The following SLC30A8 variants were observed in gnomAD, a reference collection of about 807,000 sequenced individuals.
SLC30A8 encodes proton-coupled zinc antiporter SLC30A8.
In SLC30A8, 27 loss-of-function variants were observed where a neutral mutation model predicts 36.9. The observed-to-expected ratio is 0.73, with a 90% CI of 0.54 to 1.01. The LOEUF (loss-of-function observed/expected upper bound fraction) is 1.01. Among genes scored for constraint, SLC30A8 ranks in the 50% least tolerant of loss-of-function variants. The pLI is 0.00. For missense variants in SLC30A8, 439 were observed against 452.0 expected (o/e 0.97, Z 0.26); for synonymous variants, 164 against 172.4 (o/e 0.95, Z 0.38).
intron 2 of SLC30A8, among the ~76,000 whole-genome samples, chr8:117,077,079 C>A (rs1037078822): frequency 2.6e-5 from 4 of 152,162 alleles, no homozygotes; most frequent in Non-Finnish European, 5.9e-5. Context: ...GCAAATGTAG[C>A]TCTTGATAGA....
At chr8:117,144,258 A>T (rs1821796954) in intron 1 of SLC30A8, among the ~76,000 whole-genome samples, 1 of 152,166 alleles carries the variant, frequency 6.6e-6, no homozygotes, top group South Asian at 2.1e-4. Context: ...TAAGATATAA[A>T]TACTTTATTT....
intron 1 of SLC30A8, among the ~76,000 whole-genome samples, chr8:116,973,123 T>C (rs1814847363): frequency 6.6e-6 from 1 of 152,198 alleles, no homozygotes; most frequent in African/African-American, 2.4e-5. Flanking sequence ...GAAGATGCCT[T>C]CTATGAGCCA....
intron 1 of SLC30A8, among the ~76,000 whole-genome samples, chr8:116,959,728 G>A (rs1159023316): frequency 6.6e-6 from 1 of 152,080 alleles, no homozygotes; most frequent in Non-Finnish European, 1.5e-5. Flanking sequence ...CTCTGTCCAA[G>A]GTCTTATGAA....
rs146181374 is a variant in SLC30A8, at chr8:117,099,700, A to G, written c.-225-35580A>G. On this transcript the variant is annotated intron_variant, in intron 2 of 10. Coordinates refer to the SLC30A8 transcript ENST00000427715. ...GGCTTTTACCTAGATAATTATGAAT[A>G]AGATTCCTGCTCACTAAACATCATC... Among the ~76,000 whole-genome samples, 508 of 152,340 alleles carry G rather than the reference A, an allele frequency of 3.3e-3. 5 individuals are homozygous for G. Among genetic ancestry groups the G allele is most frequent in the Non-Finnish European group, 1.6e-3 (108 of 68,028 alleles).
chr8:116,997,028 T>G (rs192778326), intron 1 of SLC30A8, among the ~76,000 whole-genome samples: 6 of 152,118 alleles, frequency 3.9e-5, no homozygotes, highest in African/African-American at 1.4e-4. Context: ...AACTTCACTC[T>G]TCAGAGTCCA....
In SLC30A8 at chr8:117,161,808, A is replaced by G. The variant is rs1035358113; in HGVS notation, c.643A>G (p.Arg215Gly). The change falls in exon 5 of 8, where the codon AGA becomes GGA. Residue 215 changes from arginine to glycine, a missense_variant. Physicochemically the swap from Arg to Gly is moderately radical, Grantham distance 125 (BLOSUM62 -2). Coordinates refer to ENST00000456015, the MANE Select transcript of SLC30A8 (RefSeq NM_173851.3). Reference protein sequence around the residue: ...HKEVQANASVRAAFVHALGDL... With the variant: ...HKEVQANASVGAAFVHALGDL... Reference sequence around the variant, plus strand: ...GGAAGTACAAGCCAATGCCAGCGTCAGAGCTGCTTTTGTGCATGCCCTTGG... The same window carrying G: ...GGAAGTACAAGCCAATGCCAGCGTCGGAGCTGCTTTTGTGCATGCCCTTGG... 1.9e-6 allele frequency: 3 copies of G among 1,613,926 alleles called. No individual in the cohort carries two copies. The highest frequency in any genetic ancestry group is 4.5e-5 in the East Asian group (2 of 44,876).
At chr8:116,993,992 C>T (rs2130669931) in intron 1 of SLC30A8, among the ~76,000 whole-genome samples, 1 of 151,330 alleles carries the variant, frequency 6.6e-6, no homozygotes, top group East Asian at 1.9e-4. Flanking sequence ...TCTATACTTA[C>T]TAGAGAAATG....
At chr8:117,167,504 T>TATATATATATATAC (rs1491223080) in intron 6 of SLC30A8, among the ~76,000 whole-genome samples, 2,448 of 141,880 alleles carry the variant, frequency 0.017, 83 homozygotes, top group Middle Eastern at 0.045. Context: ...CATACATACA[T>TATATATATATATAC]GTATATGTAT....
intron 1 of SLC30A8, among the ~76,000 whole-genome samples, chr8:116,977,329 A>G (rs919561448): frequency 3.5e-5 from 5 of 142,040 alleles, no homozygotes; most frequent in Non-Finnish European, 6.1e-5. Flanking sequence ...TTTTTTTTGT[A>G]TTTTTAGTAG....
At chr8:117,165,263 T>C (rs1158853598) in intron 6 of SLC30A8, among the ~76,000 whole-genome samples, 2 of 152,156 alleles carry the variant, frequency 1.3e-5, no homozygotes, top group African/African-American at 2.4e-5. Flanking sequence ...ATGAAATAAA[T>C]GGCATTATGT....
At chr8:116,955,946 G>T (rs1563721194) in intron 1 of SLC30A8, among the ~76,000 whole-genome samples, 1 of 151,930 alleles carries the variant, frequency 6.6e-6, no homozygotes. Flanking sequence ...AATTTGTTAT[G>T]GCATCCGTAG....
At chr8:116,982,698 T>C in intron 1 of SLC30A8, among the ~76,000 whole-genome samples, 1 of 152,150 alleles carries the variant, frequency 6.6e-6, no homozygotes, top group African/African-American at 2.4e-5. Context: ...CCAGATTACA[T>C]TGTTCCAGAA....
intron 1 of SLC30A8, among the ~76,000 whole-genome samples, chr8:116,960,892 G>T (rs1318301176): frequency 6.6e-6 from 1 of 152,054 alleles, no homozygotes; most frequent in African/African-American, 2.4e-5. Context: ...CCTAATGTTT[G>T]CATGCTATTG....
chr8:117,038,160 A>T (rs1817274192), intron 1 of SLC30A8, among the ~76,000 whole-genome samples: 1 of 152,172 alleles, frequency 6.6e-6, no homozygotes, highest in Non-Finnish European at 1.5e-5. Flanking sequence ...ACTAATATGG[A>T]TACTCGGTAA....
chr8:117,156,242 C>T (rs183287013), intron 3 of SLC30A8, among the ~76,000 whole-genome samples: 2 of 152,122 alleles, frequency 1.3e-5, no homozygotes, highest in East Asian at 1.9e-4. Context: ...GGGGTTTCAC[C>T]GTGTTGGCCA....
upstream of SLC30A8, among the ~76,000 whole-genome samples, chr8:117,132,853 C>T (rs953653032): frequency 6.6e-6 from 1 of 152,002 alleles, no homozygotes; most frequent in Non-Finnish European, 1.5e-5. Flanking sequence ...TTGATCATAA[C>T]ATCTGCATCT....
In SLC30A8 at chr8:117,157,762, G is replaced by A. The variant is rs1482242249; in HGVS notation, c.490G>A (p.Glu164Lys). The A allele has an allele frequency of 1.2e-6, 2 of 1,613,972 alleles. No individual in the cohort carries two copies. The highest frequency in any genetic ancestry group is 1.7e-6 in the Non-Finnish European group (2 of 1,180,000). The change falls in exon 4 of 8, where the codon GAG (glutamate) becomes AAG (lysine). Residue 164 changes from glutamate (E) to lysine (K), a missense_variant. Physicochemically the swap from Glu to Lys is moderately conservative, Grantham distance 56. Transcript: ENST00000456015. ...VTGVLVYLACERLLYPDYQIQ... is the reference protein window; with the variant it reads ...VTGVLVYLACKRLLYPDYQIQ... Reference sequence around the variant, plus strand: ...TGGCGTGCTAGTGTACCTGGCATGTGAGCGCCTGCTGTATCCTGATTACCA... The same window carrying A: ...TGGCGTGCTAGTGTACCTGGCATGTAAGCGCCTGCTGTATCCTGATTACCA...
intron 2 of SLC30A8, among the ~76,000 whole-genome samples, chr8:117,092,251 A>G (rs59475323): frequency 0.15 from 22,910 of 152,236 alleles, 1,824 homozygotes; most frequent in African/African-American, 0.2. Context: ...TCATATGAGC[A>G]AAATGTTCTT....
At chr8:116,984,303 T>C (rs1815369421) in intron 1 of SLC30A8, among the ~76,000 whole-genome samples, 1 of 152,170 alleles carries the variant, frequency 6.6e-6, no homozygotes, top group Non-Finnish European at 1.5e-5. Flanking sequence ...AACTTAAGTT[T>C]TCATTTCTCT....
Sources: gnomAD v4.1 joint callset for allele counts (sites outside exome capture counted in the v4.1 genomes callset) on GRCh38, gnomAD v4.1.1 for gene constraint, MANE v1.5 for transcripts, NCBI Gene and HGNC (gene_info 2026-07-23, HGNC 2026-07-21) for gene names.